The following GLG1 variants were observed in gnomAD, a reference collection of about 807,000 sequenced individuals.
GLG1 encodes golgi glycoprotein 1.
A neutral mutation model predicts 160.5 loss-of-function variants in GLG1; 38 were observed. That is an observed-to-expected ratio of 0.24 (90% CI 0.18 to 0.31). The LOEUF (loss-of-function observed/expected upper bound fraction) is 0.31, where lower values mean the gene tolerates loss of function less well. Among genes scored for constraint, GLG1 ranks in the 10% least tolerant of loss-of-function variants. The pLI, the probability that GLG1 is intolerant of heterozygous loss-of-function variation, is 1.00. For synonymous variants in GLG1, 644 were observed against 543.4 expected (o/e 1.19, Z -2.57); for missense variants, 1,373 against 1,505.2 (o/e 0.91, Z 1.45).
chr16:74,564,673 C>T (rs1336811755), intron 1 of GLG1, among the ~76,000 whole-genome samples: 1 of 152,118 alleles, frequency 6.6e-6, no homozygotes, highest in Non-Finnish European at 1.5e-5. Flanking sequence ...AGAACCTGAC[C>T]AAAAAGGCGA....
intron 25 of GLG1, among the ~76,000 whole-genome samples, chr16:74,454,958 G>C (rs1262710034): frequency 6.6e-6 from 1 of 151,976 alleles, no homozygotes; most frequent in Non-Finnish European, 1.5e-5. Flanking sequence ...TATAAAATTA[G>C]CTGGGTGTGG....
intron 1 of GLG1, among the ~76,000 whole-genome samples, chr16:74,550,575 A>G (rs2550822): frequency 1.1e-4 from 17 of 152,068 alleles, no homozygotes; most frequent in East Asian, 5.9e-4. Context: ...CTCTAAATTT[A>G]AAACATAATT....
chr16:74,481,725 C>A (rs2015604930), intron 10 of GLG1, among the ~76,000 whole-genome samples: 1 of 152,206 alleles, frequency 6.6e-6, no homozygotes, highest in South Asian at 2.1e-4. Flanking sequence ...TAGGGTCTCA[C>A]CGTTAACATG....
intron 1 of GLG1, among the ~76,000 whole-genome samples, chr16:74,554,744 T>C (rs963554388): frequency 6.6e-6 from 1 of 152,170 alleles, no homozygotes; most frequent in Non-Finnish European, 1.5e-5. Flanking sequence ...TTAATATTCA[T>C]TTCCTCAACT....
intron 1 of GLG1, among the ~76,000 whole-genome samples, chr16:74,568,566 C>T (rs1567529265): frequency 6.6e-6 from 1 of 152,012 alleles, no homozygotes; most frequent in African/African-American, 2.4e-5. Flanking sequence ...TACAGTTGCA[C>T]ACCACCACGC....
chr16:74,528,569 T>C (rs1395202263), intron 2 of GLG1, among the ~76,000 whole-genome samples: 1 of 151,872 alleles, frequency 6.6e-6, no homozygotes, highest in Non-Finnish European at 1.5e-5. Context: ...CCCAGTACTT[T>C]GGCAAGTCGA....
intron 1 of GLG1, among the ~76,000 whole-genome samples, chr16:74,587,099 T>C (rs1250703589): frequency 3.3e-5 from 5 of 152,158 alleles, no homozygotes; most frequent in African/African-American, 9.7e-5. Flanking sequence ...CTCATGAGGA[T>C]TAACTACTAT....
chr16:74,455,822 G>C lies in GLG1; in HGVS notation c.3372+827C>G, dbSNP rs141043513. Reference sequence around the variant, plus strand: ...TGAAGTCAGTTTCCTTCACTGTAAAGTGACGAAACAGTCATTATACTTACC... The same window carrying C: ...TGAAGTCAGTTTCCTTCACTGTAAACTGACGAAACAGTCATTATACTTACC... On this transcript the variant is annotated intron_variant, in intron 25 of 25. Transcript: ENST00000422840. 5.8e-4 allele frequency among the ~76,000 whole-genome samples: 88 copies of C among 152,342 alleles called. 1 individual carries two copies. The highest frequency in any genetic ancestry group is 1.9e-3 in the African/African-American group (79 of 41,574).
At chr16:74,542,587 G>A (rs1458829181) in intron 1 of GLG1, among the ~76,000 whole-genome samples, 22 of 150,074 alleles carry the variant, frequency 1.5e-4, no homozygotes, top group African/African-American at 4.7e-4. Context: ...CAGGAGAATC[G>A]CTTGAACCCA....
At chr16:74,519,163 G>T (rs1394894440) in intron 2 of GLG1, among the ~76,000 whole-genome samples, 1 of 152,134 alleles carries the variant, frequency 6.6e-6, no homozygotes, top group Admixed American at 6.5e-5. Context: ...CCATAAAAAA[G>T]GATGAGTTCA....
At chr16:74,576,415 G>A (rs995728705) in intron 1 of GLG1, among the ~76,000 whole-genome samples, 50 of 152,118 alleles carry the variant, frequency 3.3e-4, no homozygotes, top group African/African-American at 1.1e-3. Flanking sequence ...TGAGTTGCAT[G>A]TACATTATAT....
chr16:74,457,126 G>A (rs1043829275), intron 24 of GLG1, among the ~76,000 whole-genome samples: 1 of 152,208 alleles, frequency 6.6e-6, no homozygotes, highest in Non-Finnish European at 1.5e-5. Context: ...TGGGCATAGT[G>A]GCTTATGCCT....
intron 1 of GLG1, among the ~76,000 whole-genome samples, chr16:74,546,376 T>TA (rs1294921140): frequency 6.6e-6 from 1 of 151,844 alleles, no homozygotes; most frequent in African/African-American, 2.4e-5. Context: ...GCCCAGGAGA[T>TA]AGAGATTGCA....
In GLG1 at chr16:74,452,954, C is replaced by A; in HGVS notation, c.*213G>T. The stretch of plus-strand genomic sequence containing the variant: ...GTTTGCCAAACAAAGGCAGTAACCC[C>A]AGCGACCAGCTGCTGCTGCTGCACG... On this transcript the variant is annotated 3_prime_UTR_variant, in exon 26 of 26. Coordinates refer to ENST00000422840, the MANE Select transcript of GLG1 (RefSeq NM_001145667.2). 8 of 1,259,028 alleles carry A rather than the reference C, an allele frequency of 6.4e-6. 1 individual carries two copies. The South Asian group carries it at 2.5e-4, about 39-fold the overall frequency. The allele number at this position is 1,259,028 out of a possible 1,614,324, so 78.0% of individuals were successfully genotyped here. A position where few individuals can be genotyped will look rare whatever the true frequency, so the allele number is the denominator to read the frequency against.
chr16:74,606,872 G>T lies in GLG1; in HGVS notation c.223C>A (p.Gln75Lys). 6.3e-7 allele frequency: 1 copy of T among 1,599,988 alleles called. No homozygotes were observed. The highest frequency in any genetic ancestry group is 1.1e-5 in the South Asian group (1 of 89,874). ...TGTTGCTGTTGCTGCTGCTGCTGTT[G>T]CTGCTGAAGCTGCGATGACTGAGGC... Reference protein sequence around the residue: ...QLPQSSQLQQQQQQQQQQQQP... With the variant: ...QLPQSSQLQQKQQQQQQQQQP... The change falls in exon 1 of 26, where the codon CAA becomes AAA. Residue 75 changes from glutamine to lysine, a missense_variant. Gln to Lys is a moderately conservative substitution (Grantham distance 53, BLOSUM62 1). Around this residue, in one of 4 missense-constraint regions of GLG1, gnomAD observed 322 missense variants for 254.6 expected, o/e 1.26. Coordinates refer to ENST00000422840, the MANE Select transcript of GLG1 (RefSeq NM_001145667.2).
At chr16:74,595,105 A>G (rs946485280) in intron 1 of GLG1, among the ~76,000 whole-genome samples, 1 of 151,752 alleles carries the variant, frequency 6.6e-6, no homozygotes, top group Non-Finnish European at 1.5e-5. Context: ...GGAGAACGGC[A>G]TGAACCCGGG....
intron 1 of GLG1, among the ~76,000 whole-genome samples, chr16:74,591,659 T>G (rs1397888557): frequency 6.6e-6 from 1 of 151,938 alleles, no homozygotes; most frequent in African/African-American, 2.4e-5. Flanking sequence ...AACCAAAAAT[T>G]TTTTGCGCTG....
At chr16:74,553,716 A>C (rs887467791) in intron 1 of GLG1, among the ~76,000 whole-genome samples, 1 of 151,740 alleles carries the variant, frequency 6.6e-6, no homozygotes, top group African/African-American at 2.4e-5. Flanking sequence ...CTCGTGATCC[A>C]CCCGCCTCGG....
chr16:74,580,565 A>G (rs893143642), intron 1 of GLG1, among the ~76,000 whole-genome samples: 1 of 152,188 alleles, frequency 6.6e-6, no homozygotes, highest in Non-Finnish European at 1.5e-5. Flanking sequence ...ATCTAAAACT[A>G]CAATATACTG....
Sources: gnomAD v4.1 joint callset for allele counts (sites outside exome capture counted in the v4.1 genomes callset) on GRCh38, gnomAD v4.1.1 for gene constraint, gnomAD v4.1.1 regional missense constraint, MANE v1.5 for transcripts, NCBI Gene and HGNC (gene_info 2026-07-23, HGNC 2026-07-21) for gene names.